Variants in ENO3 observed in about 807,000 individuals in gnomAD.
ENO3 encodes beta-enolase.
A neutral mutation model predicts 47.7 loss-of-function variants in ENO3; 46 were observed. That is an observed-to-expected ratio of 0.96 (90% confidence interval 0.76 to 1.23). The LOEUF (loss-of-function observed/expected upper bound fraction) is 1.23, where lower values mean the gene tolerates loss of function less well. Ranked by LOEUF, ENO3 falls within the 50% of genes most tolerant of loss-of-function variation. ENO3 has a pLI of 0.00. For missense variants in ENO3, 575 were observed against 566.2 expected (o/e 1.02, Z -0.16); for synonymous variants, 223 against 225.9 (o/e 0.99, Z 0.11).
rs1368067716 is a variant in ENO3, at chr17:4,955,463, A to T, written c.724A>T (p.Ile242Phe). 3.1e-6 allele frequency: 5 copies of T among 1,614,098 alleles called. No homozygotes were observed. Among genetic ancestry groups the T allele is most frequent in the Non-Finnish European group, 2.5e-6 (3 of 1,180,030 alleles). The change falls in exon 8 of 12, where the codon ATC (isoleucine) becomes TTC (phenylalanine). Residue 242 changes from isoleucine to phenylalanine, a missense_variant. By Grantham distance (21) the Ile-to-Phe change is conservative. Transcript: ENST00000519602. ...QAAGYPDKVV[I>F]GMDVAASEFY... Reference sequence around the variant, plus strand: ...GGCTGGTTACCCAGACAAGGTGGTGATCGGCATGGATGTGGCAGCATCTGA... The same window carrying T: ...GGCTGGTTACCCAGACAAGGTGGTGTTCGGCATGGATGTGGCAGCATCTGA...
intron 6 of ENO3, among the ~76,000 whole-genome samples, chr17:4,954,623 A>G (rs1220081760): frequency 6.6e-6 from 1 of 152,232 alleles, no homozygotes; most frequent in Admixed American, 6.5e-5. Context: ...TACAGAAATG[A>G]GGAAAGAGAG....
chr17:4,949,695 GA>G (rs1971485213), upstream of ENO3, among the ~76,000 whole-genome samples: 1 of 152,182 alleles, frequency 6.6e-6, no homozygotes, highest in Non-Finnish European at 1.5e-5. Flanking sequence ...GCGGCTTCCG[GA>G]GCCTGGGCTA....
intron 9 of ENO3, 91 bp from the exon 10 acceptor site, chr17:4,956,482 T>C: frequency 7.9e-7 from 1 of 1,270,762 alleles, no homozygotes; most frequent in Non-Finnish European, 1.2e-6. Flanking sequence ...GAGTGCTTGC[T>C]ACCCAAAACA....
upstream of ENO3, among the ~76,000 whole-genome samples, chr17:4,949,569 G>C (rs1188957257): frequency 6.6e-6 from 1 of 152,058 alleles, no homozygotes; most frequent in African/African-American, 2.4e-5. Context: ...CGGGCCCTTT[G>C]GGTTTCTTCG....
Position 4,953,275 on chromosome 17 carries a change from C to CT in ENO3, c.245dup (p.Ser83LysfsTer9), listed in dbSNP as rs761378499. The CT allele has an allele frequency of 4.3e-6, 7 of 1,614,106 alleles. No homozygotes were observed. In the Admixed American group the frequency reaches 1.2e-4, roughly 27 times the overall value. ...CTTCTCAAACTCACCCTTCCAGAAA[C>CT]TAAGCGTTGTGGATCAAGAAAAAGT... On this transcript the variant is annotated frameshift_variant, in exon 5 of 12. Coordinates refer to ENST00000519602, the MANE Select transcript of ENO3 (RefSeq NM_053013.4). LOFTEE classifies it high-confidence loss of function.
chr17:4,955,451 G>A lies in ENO3; in HGVS notation c.712G>A (p.Asp238Asn). 6.2e-7 allele frequency: 1 copy of A among 1,614,248 alleles called. No homozygotes were observed. The highest frequency in any genetic ancestry group is 1.7e-5 in the Admixed American group (1 of 60,028). Residue 238 changes from aspartate (D) to asparagine (N), a missense_variant, in exon 8 of 12, where the codon GAC becomes AAC. Asp to Asn is a conservative substitution (Grantham distance 23). Transcript: ENST00000519602. Reference sequence around the variant, plus strand: ...GGCCATCCAGGCGGCTGGTTACCCAGACAAGGTGGTGATCGGCATGGATGT... The same window carrying A: ...GGCCATCCAGGCGGCTGGTTACCCAAACAAGGTGGTGATCGGCATGGATGT... ...KTAIQAAGYP[D>N]KVVIGMDVAA...
chr17:4,950,194 G>T (rs1010906673), upstream of ENO3: 4 of 152,212 alleles, frequency 2.6e-5, no homozygotes, highest in African/African-American at 4.8e-5. Flanking sequence ...CGGTCGGCTG[G>T]TATGGCTGCA....
chr17:4,956,635 A>G lies in ENO3; in HGVS notation c.1130A>G (p.Glu377Gly). 6.2e-7 allele frequency: 1 copy of G among 1,614,202 alleles called. No individual in the cohort carries two copies. Among genetic ancestry groups the G allele is most frequent in the Non-Finnish European group, 8.5e-7 (1 of 1,180,042 alleles). The change falls in exon 10 of 12, where the codon GAG (glutamate) becomes GGG (glycine). Residue 377 changes from glutamate to glycine, a missense_variant. Glu to Gly is a moderately conservative substitution (Grantham distance 98, BLOSUM62 -2). Transcript: ENST00000519602. ...GTGAGCCACCGCTCTGGGGAGACTGAGGACACATTCATTGCTGACCTTGTG... is the reference window on the plus strand; with the variant it reads ...GTGAGCCACCGCTCTGGGGAGACTGGGGACACATTCATTGCTGACCTTGTG... ...VMVSHRSGET[E>G]DTFIADLVVG... is the part of the protein sequence containing the mutation.
intron 11 of ENO3, 38 bp from the exon 12 acceptor site, chr17:4,956,940 T>C: frequency 2.5e-6 from 4 of 1,613,950 alleles, no homozygotes; most frequent in South Asian, 1.1e-5. Flanking sequence ...GGCTGTTAGG[T>C]TGGAAGTTCA....
At chr17:4,956,229 C>T in intron 9 of ENO3, 86 bp downstream of exon 9, 3 of 1,486,656 alleles carry the variant, frequency 2.0e-6, no homozygotes, top group South Asian at 2.4e-5. Context: ...CCCACCAACT[C>T]CAAGCTTACC....
chr17:4,956,742 T>A, intron 10 of ENO3, 61 bp downstream of exon 10: 1 of 1,613,870 alleles, frequency 6.2e-7, no homozygotes, highest in Non-Finnish European at 8.5e-7. Flanking sequence ...CCTGGCCTCC[T>A]GCCTTTGAGG....
upstream of ENO3, chr17:4,949,047 A>G (rs1405064600): frequency 1.3e-5 from 2 of 151,746 alleles, no homozygotes; most frequent in Non-Finnish European, 2.9e-5. Flanking sequence ...AGCCGGCTGC[A>G]CGGGAGCGCG....
At chr17:4,949,135 G>A (rs918044014), upstream of ENO3, 9 of 152,234 alleles carry the variant, frequency 5.9e-5, no homozygotes. Flanking sequence ...GAAGGGGCGG[G>A]GGCGAAGCCG....
At chr17:4,949,707 G>A (rs2151137308), upstream of ENO3, among the ~76,000 whole-genome samples, 1 of 152,282 alleles carries the variant, frequency 6.6e-6, no homozygotes, top group East Asian at 1.9e-4. Flanking sequence ...GCCTGGGCTA[G>A]GGGCAAGGGG....
At chr17:4,949,615 C>T (rs2151137224), upstream of ENO3, among the ~76,000 whole-genome samples, 1 of 132,446 alleles carries the variant, frequency 7.6e-6, no homozygotes, top group Middle Eastern at 3.8e-3. Context: ...CTGGGGAGGG[C>T]GGGACGGGCG....
rs377257809 is a variant in ENO3, at chr17:4,955,547, C to T, written c.808C>T (p.His270Tyr). 4 of 1,614,108 alleles carry T rather than the reference C, an allele frequency of 2.5e-6. No individual in the cohort carries two copies. The African/African-American group carries it at 4.0e-5, about 16-fold the overall frequency. Residue 270 changes from histidine (H) to tyrosine (Y), a missense_variant, in exon 8 of 12, where the codon CAC becomes TAC. By Grantham distance (83) the His-to-Tyr change is moderately conservative (BLOSUM62 2). Transcript: ENST00000519602. ...DFKSPDDPAR[H>Y]ITGEKLGELY... The stretch of plus-strand genomic sequence containing the variant: ...CAAGTCGCCTGATGATCCCGCACGG[C>T]ACATCACTGGGGAGAAGCTCGGAGA...
chr17:4,953,743 G>A lies in ENO3; in HGVS notation c.342G>A (p.Val114=), dbSNP rs769089034. 6.2e-7 allele frequency: 1 copy of A among 1,614,232 alleles called. No homozygotes were observed. Among genetic ancestry groups the A allele is most frequent in the Non-Finnish European group, 8.5e-7 (1 of 1,180,054 alleles). The part of the protein sequence containing the change: ...SKFGANAILG[V]SLAVCKAGAA... ...TTGGGGCCAATGCCATCCTGGGCGT[G>A]TCCTTGGCCGTGTGTAAGGCGGGAG... The change falls in exon 6 of 12, where the codon GTG becomes GTA. Residue 114 remains valine, a synonymous_variant. Transcript: ENST00000519602.
At chr17:4,950,933 G>A (rs540160669), upstream of ENO3, 4 of 747,328 alleles carry the variant, frequency 5.4e-6, no homozygotes, top group East Asian at 3.9e-4. Context: ...GACAGAAAGT[G>A]GGGGATAGTA....
chr17:4,951,817 C>G lies in ENO3; in HGVS notation c.-2-11C>G. 3.7e-6 allele frequency: 6 copies of G among 1,613,972 alleles called. No homozygotes were observed. The highest frequency in any genetic ancestry group is 5.1e-6 in the Non-Finnish European group (6 of 1,179,854). On this transcript the variant is annotated splice_polypyrimidine_tract_variant and intron_variant, in intron 1 of 11. Transcript: ENST00000519602. ...AACTGTCTACACTCACTCACACCTC[C>G]TGTCCTGCAGCCATGGCCATGCAGA...
Sources: allele counts gnomAD v4.1 joint callset (sites outside exome capture counted in the v4.1 genomes callset), GRCh38; gene constraint gnomAD v4.1.1; transcripts MANE v1.5; gene names NCBI Gene and HGNC (gene_info 2026-07-23, HGNC 2026-07-21).